The following GSE1 variants were observed in gnomAD, a reference collection of about 807,000 sequenced individuals.
The protein encoded by GSE1 is Gse1 coiled-coil protein, also known as genetic suppressor element 1.
Under a neutral mutation model 112.6 loss-of-function variants are expected in GSE1, and 32 were observed. The ratio of observed to expected loss-of-function variants is 0.28; its 90% CI spans 0.21 to 0.38. The LOEUF (loss-of-function observed/expected upper bound fraction) is 0.38, where lower values mean the gene tolerates loss of function less well. Among genes scored for constraint, GSE1 ranks in the 10% least tolerant of loss-of-function variants. The pLI, the probability that GSE1 is intolerant of heterozygous loss-of-function variation, is 1.00. For missense variants in GSE1, 2,348 were observed against 1,699.2 expected (o/e 1.38, Z -6.71); for synonymous variants, 1,115 against 735.6 (o/e 1.52, Z -8.35).
At chr16:85,485,312 G>C (rs986011708) in intron 2 of GSE1, among the ~76,000 whole-genome samples, 5 of 152,336 alleles carry the variant, frequency 3.3e-5, no homozygotes, top group South Asian at 2.1e-4. Context: ...GGAGAGACAG[G>C]AGCCTGCAGT....
At chr16:85,512,874 C>G (rs750343197) in intron 2 of GSE1, among the ~76,000 whole-genome samples, 12 of 152,082 alleles carry the variant, frequency 7.9e-5, no homozygotes, top group Admixed American at 2.6e-4. Context: ...CTCACAGGGA[C>G]AGCTGGGCAG....
At chr16:85,536,944 G>A (rs1444497350) in intron 2 of GSE1, among the ~76,000 whole-genome samples, 1 of 152,220 alleles carries the variant, frequency 6.6e-6, no homozygotes, top group Non-Finnish European at 1.5e-5. Context: ...CATGCCCCTG[G>A]AGTTTGGAGA....
At chr16:85,456,635 TGTGTGG>T (rs1192456111) in intron 2 of GSE1, among the ~76,000 whole-genome samples, 3 of 140,254 alleles carry the variant, frequency 2.1e-5, no homozygotes, top group African/African-American at 5.3e-5. Context: ...TGTGTGTGTG[TGTGTGG>T]TCTGCCATTT....
intron 2 of GSE1, among the ~76,000 whole-genome samples, chr16:85,478,867 C>CTT (rs1266190457): frequency 2.6e-5 from 1 of 38,730 alleles, no homozygotes; most frequent in African/African-American, 2.2e-4. Flanking sequence ...TTCTTTCTTT[C>CTT]TTTCTTTCTT....
intron 2 of GSE1, among the ~76,000 whole-genome samples, chr16:85,550,325 T>C (rs2044859674): frequency 6.6e-6 from 1 of 152,152 alleles, no homozygotes; most frequent in African/African-American, 2.4e-5. Context: ...TCTCTGTTCT[T>C]CATCTGGAAA....
intron 1 of GSE1, among the ~76,000 whole-genome samples, chr16:85,614,038 TTC>T (rs1350892396): frequency 1.0e-4 from 15 of 148,236 alleles, no homozygotes; most frequent in Non-Finnish European, 2.2e-4. Flanking sequence ...GCTCGGCCGC[TTC>T]TCTCCTCTCT....
intron 2 of GSE1, among the ~76,000 whole-genome samples, chr16:85,504,316 C>T (rs377652216): frequency 1.3e-5 from 2 of 152,318 alleles, no homozygotes; most frequent in East Asian, 1.9e-4. Flanking sequence ...ACTCGTGCTG[C>T]GGGCCACACA....
Position 85,661,389 on chromosome 16 carries a change from C to T in GSE1, c.1884C>T (p.Val628=). ...TGCCGCTGGTGAAGGTGGAGCGGGT[C>T]TTCTGCCCGGAGAAAGCAGAGGAGG... The part of the protein sequence containing the change: ...AAVPLVKVER[V]FCPEKAEEGP... The change falls in exon 9 of 16, where the codon GTC becomes GTT. Residue 628 remains valine, a synonymous_variant. Coordinates refer to ENST00000253458, the MANE Select transcript of GSE1 (RefSeq NM_014615.5). The T allele has an allele frequency of 1.9e-6, 3 of 1,612,366 alleles. No individual in the cohort carries two copies. The highest frequency in any genetic ancestry group is 2.5e-6 in the Non-Finnish European group (3 of 1,179,740).
chr16:85,583,615 T>G (rs2151392924), intron 1 of GSE1: 1 of 152,144 alleles, frequency 6.6e-6, no homozygotes, highest in South Asian at 2.1e-4. Flanking sequence ...ACGGGCCCTG[T>G]GCTCTCCCAG....
chr16:85,375,224 C>T (rs1321085075), intron 2 of GSE1, among the ~76,000 whole-genome samples: 2 of 152,196 alleles, frequency 1.3e-5, no homozygotes, highest in Admixed American at 6.5e-5. Flanking sequence ...TTACTAATCC[C>T]CTTGCCTGGG....
At chr16:85,193,744 C>T (rs970321373) in intron 1 of GSE1, among the ~76,000 whole-genome samples, 1 of 152,232 alleles carries the variant, frequency 6.6e-6, no homozygotes, top group Non-Finnish European at 1.5e-5. Flanking sequence ...CAGGCATGAG[C>T]CACTGCATCC....
At chr16:85,223,995 C>G (rs567992512) in intron 1 of GSE1, among the ~76,000 whole-genome samples, 3 of 152,230 alleles carry the variant, frequency 2.0e-5, no homozygotes, top group Non-Finnish European at 2.9e-5. Context: ...ATTTCCAGAA[C>G]TTTTATCATC....
chr16:85,674,019 C>A lies in GSE1; in HGVS notation c.*1480C>A, dbSNP rs1174220872. 1 of 151,938 alleles carries A rather than the reference C, an allele frequency of 6.6e-6. No homozygotes were observed. The highest frequency in any genetic ancestry group is 1.5e-5 in the Non-Finnish European group (1 of 68,072). The allele number at this position is 151,938 out of a possible 1,614,324, so 9.4% of individuals were successfully genotyped here. ...CATCACACCAAGGCAAAGCAACGGGCGAGTCTTCCTCCTTGTCCTAGTTAC... is the reference window on the plus strand; with the variant it reads ...CATCACACCAAGGCAAAGCAACGGGAGAGTCTTCCTCCTTGTCCTAGTTAC... On this transcript the variant is annotated 3_prime_UTR_variant, in exon 16 of 16. Transcript: ENST00000253458.
chr16:85,197,795 G>A (rs74859532), intron 1 of GSE1, among the ~76,000 whole-genome samples: 426 of 152,302 alleles, frequency 2.8e-3, no homozygotes, highest in African/African-American at 9.8e-3. Flanking sequence ...CCTCCTGCAC[G>A]TTGTTATAGC....
rs1251199367 is a variant in GSE1 at position 85,673,431 on chromosome 16, GTTTTTCCTGT to G, written c.*895_*904del. 129 of 133,012 alleles carry G rather than the reference GTTTTTCCTGT, an allele frequency of 9.7e-4. No homozygotes were observed. Among genetic ancestry groups the G allele is most frequent in the African/African-American group, 3.6e-3 (127 of 35,090 alleles). The allele number at this position is 133,012 out of a possible 1,614,324, so 8.2% of individuals were successfully genotyped here. A position where few individuals can be genotyped will look rare whatever the true frequency, so the allele number is the denominator to read the frequency against. On this transcript the variant is annotated 3_prime_UTR_variant, in exon 16 of 16. Coordinates refer to ENST00000253458, the MANE Select transcript of GSE1 (RefSeq NM_014615.5). ...TATGTGGTTTGGGGGATTTTTGTTT[GTTTTTCCTGT>G]TTGGGGGTTTTGTTTGTTGTTTTGG...
At chr16:85,216,784 C>T (rs1362733432) in intron 1 of GSE1, among the ~76,000 whole-genome samples, 1 of 152,216 alleles carries the variant, frequency 6.6e-6, no homozygotes, top group Non-Finnish European at 1.5e-5. Context: ...TGGCCTTGGG[C>T]TGTTTCTGGG....
chr16:85,502,007 A>G (rs1232453673), intron 2 of GSE1, among the ~76,000 whole-genome samples: 1 of 152,316 alleles, frequency 6.6e-6, no homozygotes, highest in East Asian at 1.9e-4. Flanking sequence ...CCGGGGAGCC[A>G]GATGTCCACC....
At chr16:85,396,844 G>T (rs1037654923) in intron 2 of GSE1, among the ~76,000 whole-genome samples, 1 of 152,234 alleles carries the variant, frequency 6.6e-6, no homozygotes, top group African/African-American at 2.4e-5. Context: ...CTGTGTGTGA[G>T]ATGGGGGTGC....
chr16:85,171,108 C>T (rs1254644958), exon 1 of GSE1: 1 of 985,604 alleles, frequency 1.0e-6, no homozygotes, highest in Non-Finnish European at 1.2e-6. Flanking sequence ...CCAACAAGCG[C>T]TGTGAAGTCC....
Sources: allele counts gnomAD v4.1 joint callset (sites outside exome capture counted in the v4.1 genomes callset), GRCh38; gene constraint gnomAD v4.1.1; transcripts MANE v1.5; gene names NCBI Gene and HGNC (gene_info 2026-07-23, HGNC 2026-07-21).